Variants in ITPKB observed in about 807,000 individuals in gnomAD.
The protein encoded by ITPKB is inositol-trisphosphate 3-kinase B.
Under a neutral mutation model 69.4 loss-of-function variants are expected in ITPKB, and 13 were observed. The observed-to-expected ratio is 0.19, with a 90% CI of 0.12 to 0.30. The LOEUF (loss-of-function observed/expected upper bound fraction) is 0.30. Ranked by LOEUF, ITPKB falls within the 10% of genes least tolerant of loss-of-function variation. The pLI, the probability that ITPKB is intolerant of heterozygous loss-of-function variation, is 1.00. For missense variants in ITPKB, 1,240 were observed against 1,250.5 expected, an observed-to-expected ratio of 0.99 and a Z score of 0.13; for synonymous variants, 584 against 513.7, an observed-to-expected ratio of 1.14 and a Z score of -1.85.
intron 7 of ITPKB, among the ~76,000 whole-genome samples, chr1:226,636,773 TGTGTGTGTGTGTGTGTGTGTGA>T (rs1211800105): frequency 6.8e-6 from 1 of 147,906 alleles, no homozygotes; most frequent in African/African-American, 2.6e-5. Context: ...TGTGTGTGTG[TGTGTGTGTGTGTGTGTGTGTGA>T]GACTGGGAAA....
In ITPKB at chr1:226,736,084, C is replaced by A; in HGVS notation, c.1375G>T (p.Ala459Ser). ...TCCACATTCCCGGTCCCCGGCTGTG[C>A]TGAGGGGCTGCCCCCAAGCAAGCCC... Reference protein sequence around the residue: ...TLGLLGGSPSAQPGTGNVEAG... With the variant: ...TLGLLGGSPSSQPGTGNVEAG... Residue 459 changes from alanine to serine, a missense_variant, in exon 2 of 8, where the codon GCA becomes TCA. Physicochemically the swap from Ala to Ser is moderately conservative, Grantham distance 99. Around this residue, in one of 2 missense-constraint regions of ITPKB, gnomAD observed 992 missense variants for 853.8 expected, o/e 1.16. Coordinates refer to ENST00000429204, the MANE Select transcript of ITPKB (RefSeq NM_002221.4). 6.2e-7 allele frequency: 1 copy of A among 1,610,582 alleles called. No individual in the cohort carries two copies. The highest frequency in any genetic ancestry group is 1.1e-5 in the South Asian group (1 of 90,854).
intron 2 of ITPKB, among the ~76,000 whole-genome samples, chr1:226,672,553 G>A (rs1669637579): frequency 6.6e-6 from 1 of 152,164 alleles, no homozygotes; most frequent in South Asian, 2.1e-4. Context: ...CTCCACCTTG[G>A]CTCAGATATT....
chr1:226,722,328 T>A lies in ITPKB; in HGVS notation c.1932+13199A>T, dbSNP rs564424571. Among the ~76,000 whole-genome samples, 48 of 152,262 alleles carry A rather than the reference T, an allele frequency of 3.2e-4. No homozygotes were observed. In the Middle Eastern group the frequency reaches 0.014, roughly 43 times the overall value. On this transcript the variant is annotated intron_variant, in intron 2 of 7. Transcript: ENST00000429204. ...CTGGGAATGTGGTATTTGAGGCCAA[T>A]GGTGACTGACCAGAAAATCTAGGCC...
chr1:226,647,856 ACTT>A (rs1478885204), intron 3 of ITPKB, among the ~76,000 whole-genome samples: 5 of 152,270 alleles, frequency 3.3e-5, no homozygotes, highest in South Asian at 2.1e-4. Flanking sequence ...CCTGGGTGGC[ACTT>A]CTTCTGAGCC....
At chr1:226,644,582 T>C (rs562362563) in intron 4 of ITPKB, among the ~76,000 whole-genome samples, 1 of 152,320 alleles carries the variant, frequency 6.6e-6, no homozygotes, top group African/African-American at 2.4e-5. Context: ...CCAGAGCCAC[T>C]GAGCACATGT....
chr1:226,662,490 T>C (rs1669420361), intron 2 of ITPKB, among the ~76,000 whole-genome samples: 1 of 152,228 alleles, frequency 6.6e-6, no homozygotes, highest in Non-Finnish European at 1.5e-5. Context: ...CTACTGGATA[T>C]AGTAGAAGGG....
chr1:226,733,850 C>G (rs1273708936), intron 2 of ITPKB, among the ~76,000 whole-genome samples: 1 of 152,200 alleles, frequency 6.6e-6, no homozygotes, highest in African/African-American at 2.4e-5. Flanking sequence ...TAATTCTCTT[C>G]TAGACAAGAG....
At chr1:226,639,735 C>T in intron 5 of ITPKB, 77 bp from the exon 6 acceptor site, 6 of 964,826 alleles carry the variant, frequency 6.2e-6, no homozygotes, top group South Asian at 5.2e-5. Flanking sequence ...CCACCCAACA[C>T]CACAGAGCAG....
chr1:226,643,659 C>T (rs1357821184), intron 4 of ITPKB, among the ~76,000 whole-genome samples: 2 of 152,104 alleles, frequency 1.3e-5, no homozygotes, highest in African/African-American at 2.4e-5. Flanking sequence ...GAAATTTGCA[C>T]GGAAAGAAAA....
chr1:226,665,508 A>G (rs1044795054), intron 2 of ITPKB, among the ~76,000 whole-genome samples: 6 of 152,254 alleles, frequency 3.9e-5, no homozygotes, highest in African/African-American at 1.4e-4. Flanking sequence ...CCATGCAAGT[A>G]AGATGTGGCC....
chr1:226,635,571 G>A (rs974645641), intron 7 of ITPKB, among the ~76,000 whole-genome samples: 2 of 152,134 alleles, frequency 1.3e-5, no homozygotes, highest in Admixed American at 1.3e-4. Context: ...CTGGGGCCTC[G>A]CCCTTCCGCC....
rs1461812001 is a variant in ITPKB, at chr1:226,739,192, G to T, written c.-357C>A. 1 of 152,224 alleles carries T rather than the reference G, an allele frequency of 6.6e-6. No individual in the cohort carries two copies. Among genetic ancestry groups the T allele is most frequent in the Non-Finnish European group, 1.5e-5 (1 of 68,038 alleles). The allele number at this position is 152,224 out of a possible 1,614,324, so 9.4% of individuals were successfully genotyped here. ...AAAAAGAGGAGTGCGAAAGAGGGGG[G>T]AAAGCTCTTCGGTTCAGGGGCCCGG... is the stretch of plus-strand genomic sequence containing the variant. On this transcript the variant is annotated 5_prime_UTR_variant, in exon 1 of 8. Transcript: ENST00000429204.
In ITPKB at chr1:226,647,308, C is replaced by G; in HGVS notation, c.2105G>C (p.Arg702Pro). ...HCESEQRCLD[R>P]LMVDVLRPFV... ...GGGCCTCAGCACATCCACCATCAGC[C>G]GGTCCAGGCAGCGCTGCTCTGACTC... The change falls in exon 4 of 8, where the codon CGG becomes CCG. Residue 702 changes from arginine (R) to proline (P), a missense_variant. Transcript: ENST00000429204. The G allele has an allele frequency of 6.2e-7, 1 of 1,614,208 alleles. No individual in the cohort carries two copies. The highest frequency in any genetic ancestry group is 8.5e-7 in the Non-Finnish European group (1 of 1,180,022).
rs1657802430 is a variant in ITPKB at position 226,737,028 on chromosome 1, T to C, written c.431A>G (p.Asn144Ser). Residue 144 changes from asparagine to serine, a missense_variant, in exon 2 of 8, where the codon AAC (asparagine) becomes AGC (serine). Physicochemically the swap from Asn to Ser is conservative, Grantham distance 46 (BLOSUM62 1). Coordinates refer to ENST00000429204, the MANE Select transcript of ITPKB (RefSeq NM_002221.4). ...LQRELQNVQV[N>S]QKVGMFEAHI... ...CGCCTCAAACATGCCCACTTTCTGG[T>C]TCACCTGCACGTTCTGCAACTCGCG... 6.2e-7 allele frequency: 1 copy of C among 1,612,584 alleles called. No individual in the cohort carries two copies. The highest frequency in any genetic ancestry group is 8.5e-7 in the Non-Finnish European group (1 of 1,179,900).
rs1240574651 is a variant in ITPKB at position 226,727,702 on chromosome 1, G to A, written c.1932+7825C>T. Among the ~76,000 whole-genome samples the A allele has an allele frequency of 2.0e-5, 3 of 152,238 alleles. No homozygotes were observed. In the South Asian group the frequency reaches 6.2e-4, roughly 32 times the overall value. ...GCTGTCATTGCCCCAAAAGCCAGAGGTAAAAGCACCTCGTTTGCACCCCCA... is the reference window on the plus strand; with the variant it reads ...GCTGTCATTGCCCCAAAAGCCAGAGATAAAAGCACCTCGTTTGCACCCCCA... On this transcript the variant is annotated intron_variant, in intron 2 of 7. Transcript: ENST00000429204.
chr1:226,652,437 G>A (rs1669213003), intron 2 of ITPKB, among the ~76,000 whole-genome samples: 1 of 152,210 alleles, frequency 6.6e-6, no homozygotes, highest in African/African-American at 2.4e-5. Context: ...AGATAAGACA[G>A]GTAACAAGGC....
chr1:226,727,261 A>C (rs1180008015), intron 2 of ITPKB, among the ~76,000 whole-genome samples: 1 of 152,274 alleles, frequency 6.6e-6, no homozygotes, highest in Non-Finnish European at 1.5e-5. Flanking sequence ...AGCACTTCAC[A>C]GGAGATCCTG....
chr1:226,678,701 A>T (rs1056271388), intron 2 of ITPKB, among the ~76,000 whole-genome samples: 1 of 152,126 alleles, frequency 6.6e-6, no homozygotes, highest in Non-Finnish European at 1.5e-5. Flanking sequence ...AAAAAGGGAG[A>T]ATTATCTATT....
intron 2 of ITPKB, among the ~76,000 whole-genome samples, chr1:226,694,284 G>A (rs1656426154): frequency 6.6e-6 from 1 of 152,324 alleles, no homozygotes; most frequent in Non-Finnish European, 1.5e-5. Context: ...AAGTATGGTT[G>A]AACAGTTTTG....
Sources: allele counts gnomAD v4.1 joint callset (sites outside exome capture counted in the v4.1 genomes callset), GRCh38; gene constraint gnomAD v4.1.1; regional missense constraint gnomAD v4.1.1; transcripts MANE v1.5; gene names NCBI Gene and HGNC (gene_info 2026-07-23, HGNC 2026-07-21).